GPC5: variants seen among roughly 807,000 people sequenced by gnomAD.
GPC5 encodes glypican 5.
GPC5 carries 47 observed loss-of-function variants against 53.9 expected under a neutral mutation model. The observed-to-expected ratio is 0.87, with a 90% CI of 0.69 to 1.11. GPC5 has a LOEUF of 1.11. Among genes scored for constraint, GPC5 ranks in the 50% most tolerant of loss-of-function variants. GPC5 has a pLI of 0.00. For missense variants in GPC5, 748 were observed against 713.1 expected (o/e 1.05, Z -0.56); for synonymous variants, 286 against 263.3 (o/e 1.09, Z -0.84).
chr13:91,808,995 TG>T lies in GPC5; in HGVS notation c.1280+52577del, dbSNP rs371817742. On this transcript the variant is annotated intron_variant, in intron 5 of 7. Transcript: ENST00000377067. Reference sequence around the variant, plus strand: ...ATATAGATAAATAAATTGAAAGCAATGGCTAAATTATATAATCAGAGCAAAT... The same window carrying T: ...ATATAGATAAATAAATTGAAAGCAATGCTAAATTATATAATCAGAGCAAAT... Among the ~76,000 whole-genome samples, 83 of 152,260 alleles carry T rather than the reference TG, an allele frequency of 5.5e-4. 2 individuals are homozygous for T. In the East Asian group the frequency reaches 0.015, roughly 28 times the overall value.
At chr13:92,065,560 C>G (rs762079556) in intron 6 of GPC5, among the ~76,000 whole-genome samples, 7 of 152,092 alleles carry the variant, frequency 4.6e-5, no homozygotes, top group Non-Finnish European at 1.0e-4. Context: ...GGCTATTTAG[C>G]TAAAACTTCA....
At chr13:92,775,812 G>A (rs980507697) in intron 7 of GPC5, among the ~76,000 whole-genome samples, 1 of 152,098 alleles carries the variant, frequency 6.6e-6, no homozygotes, top group Non-Finnish European at 1.5e-5. Context: ...CATTGACAAC[G>A]GTCTTAAATC....
At chr13:92,100,264 G>C (rs543328540) in intron 6 of GPC5, among the ~76,000 whole-genome samples, 1 of 152,066 alleles carries the variant, frequency 6.6e-6, no homozygotes, top group South Asian at 2.1e-4. Context: ...TTAGCCAGGC[G>C]TGGTGGCAGG....
At chr13:91,820,451 G>T (rs2138830472) in intron 5 of GPC5, among the ~76,000 whole-genome samples, 1 of 152,018 alleles carries the variant, frequency 6.6e-6, no homozygotes, top group African/African-American at 2.4e-5. Context: ...TTTCCACTCG[G>T]CCCTCATTTT....
chr13:92,583,120 G>T (rs958772411), intron 7 of GPC5, among the ~76,000 whole-genome samples: 11 of 152,044 alleles, frequency 7.2e-5, no homozygotes, highest in African/African-American at 2.7e-4. Context: ...TTAACTATGG[G>T]CTTGTCATAT....
intron 7 of GPC5, among the ~76,000 whole-genome samples, chr13:92,234,539 C>A (rs570129183): frequency 6.6e-6 from 1 of 151,654 alleles, no homozygotes; most frequent in Admixed American, 6.6e-5. Flanking sequence ...GAGACACCAA[C>A]AATTCTTGAA....
chr13:92,761,648 A>T (rs1337003643), intron 7 of GPC5, among the ~76,000 whole-genome samples: 2 of 152,082 alleles, frequency 1.3e-5, no homozygotes, highest in African/African-American at 4.8e-5. Flanking sequence ...ATATACTCAG[A>T]TCTTATTTTA....
At chr13:92,548,420 A>G (rs888919692) in intron 7 of GPC5, among the ~76,000 whole-genome samples, 1 of 151,374 alleles carries the variant, frequency 6.6e-6, no homozygotes, top group Non-Finnish European at 1.5e-5. Context: ...CCAACAAATT[A>G]TGTTTTTAAA....
chr13:92,080,784 A>G (rs1332111807), intron 6 of GPC5, among the ~76,000 whole-genome samples: 1 of 152,222 alleles, frequency 6.6e-6, no homozygotes, highest in African/African-American at 2.4e-5. Context: ...TTTGTAGTAT[A>G]AAATACAAAG....
At chr13:91,460,789 A>T (rs1173377336) in intron 2 of GPC5, among the ~76,000 whole-genome samples, 3 of 152,094 alleles carry the variant, frequency 2.0e-5, no homozygotes, top group Non-Finnish European at 4.4e-5. Flanking sequence ...GCTTGGGGGA[A>T]TATCAGATTA....
intron 6 of GPC5, among the ~76,000 whole-genome samples, chr13:91,959,273 A>G (rs897922068): frequency 2.0e-5 from 3 of 152,072 alleles, no homozygotes; most frequent in Admixed American, 1.3e-4. Flanking sequence ...TATTATGAAC[A>G]ACTATATACT....
At chr13:91,663,851 T>C (rs546207656) in intron 2 of GPC5, among the ~76,000 whole-genome samples, 7 of 152,258 alleles carry the variant, frequency 4.6e-5, no homozygotes, top group Admixed American at 3.3e-4. Context: ...AACTTTAAAA[T>C]AAATTTTAAC....
chr13:92,440,849 A>G (rs1232585218), intron 7 of GPC5, among the ~76,000 whole-genome samples: 1 of 151,874 alleles, frequency 6.6e-6, no homozygotes, highest in Non-Finnish European at 1.5e-5. Flanking sequence ...GATGATGAGC[A>G]TTTTTTCTTA....
chr13:92,080,685 A>G (rs867188805), intron 6 of GPC5, among the ~76,000 whole-genome samples: 6 of 152,300 alleles, frequency 3.9e-5, no homozygotes, highest in Admixed American at 6.5e-5. Flanking sequence ...CTTTCATCTC[A>G]TAGAATAATG....
At chr13:91,519,218 C>T (rs1885672068) in intron 2 of GPC5, among the ~76,000 whole-genome samples, 2 of 152,144 alleles carry the variant, frequency 1.3e-5, no homozygotes, top group Admixed American at 1.3e-4. Flanking sequence ...CCTTATGCCT[C>T]TATTTATTCG....
chr13:92,444,028 G>A (rs1033852292), intron 7 of GPC5, among the ~76,000 whole-genome samples: 2 of 152,052 alleles, frequency 1.3e-5, no homozygotes, highest in Non-Finnish European at 2.9e-5. Context: ...AATTTTGTAC[G>A]ATGAGTGAAA....
At chr13:91,952,131 A>C (rs1312992913) in intron 6 of GPC5, among the ~76,000 whole-genome samples, 4 of 152,116 alleles carry the variant, frequency 2.6e-5, no homozygotes, top group Non-Finnish European at 4.4e-5. Context: ...TTATGAATAC[A>C]GAAATCAGTC....
At chr13:92,862,277 G>A (rs1879205258) in intron 7 of GPC5, among the ~76,000 whole-genome samples, 1 of 152,052 alleles carries the variant, frequency 6.6e-6, no homozygotes, top group Non-Finnish European at 1.5e-5. Context: ...CTGTTCTTGT[G>A]TAAATGAGTC....
At chr13:92,017,943 A>G (rs1321555375) in intron 6 of GPC5, among the ~76,000 whole-genome samples, 6 of 151,990 alleles carry the variant, frequency 3.9e-5, no homozygotes, top group African/African-American at 1.4e-4. Context: ...CAAAATGCAC[A>G]CATACACATG....
Sources: gnomAD v4.1 joint callset for allele counts (sites outside exome capture counted in the v4.1 genomes callset) on GRCh38, gnomAD v4.1.1 for gene constraint, MANE v1.5 for transcripts, NCBI Gene and HGNC (gene_info 2026-07-23, HGNC 2026-07-21) for gene names.